HADHA: variants seen among roughly 807,000 people sequenced by gnomAD.
The protein encoded by HADHA is hydroxyacyl-CoA dehydrogenase trifunctional multienzyme complex subunit alpha.
Under a neutral mutation model 91.3 loss-of-function variants are expected in HADHA, and 59 were observed. The observed-to-expected ratio is 0.65, with a 90% CI of 0.52 to 0.80. HADHA has a LOEUF of 0.80. Ranked by LOEUF, HADHA falls within the 30% of genes least tolerant of loss-of-function variation. HADHA has a pLI of 0.00. For missense variants in HADHA, 800 were observed against 927.6 expected (o/e 0.86, Z 1.79); for synonymous variants, 320 against 338.9 (o/e 0.94, Z 0.61).
chr2:26,226,400 G>C (rs538158076), intron 7 of HADHA, among the ~76,000 whole-genome samples: 17 of 152,242 alleles, frequency 1.1e-4, no homozygotes, highest in African/African-American at 4.1e-4. Flanking sequence ...TGAGTTGGAG[G>C]ACTCATACTG....
intron 18 of HADHA, among the ~76,000 whole-genome samples, chr2:26,191,879 C>T (rs1324852733): frequency 1.3e-5 from 2 of 152,218 alleles, no homozygotes; most frequent in Non-Finnish European, 2.9e-5. Flanking sequence ...ATCAGTATCT[C>T]TTTGACATCA....
At chr2:26,236,755 G>GC in intron 4 of HADHA, 100 bp downstream of exon 4, 1 of 923,808 alleles carries the variant, frequency 1.1e-6, no homozygotes, top group Non-Finnish European at 1.8e-6. Flanking sequence ...GTGTCACTGT[G>GC]CCCAGCACTT....
Position 26,229,465 on chromosome 2 carries a change from A to G in HADHA, c.676+727T>C, listed in dbSNP as rs914806329. 6.6e-6 allele frequency among the ~76,000 whole-genome samples: 1 copy of G among 152,152 alleles called. No individual in the cohort carries two copies. Among genetic ancestry groups the G allele is most frequent in the African/African-American group, 2.4e-5 (1 of 41,434 alleles). On this transcript the variant is annotated intron_variant, in intron 7 of 19. Transcript: ENST00000380649. The surrounding 1 kb of genome is among the most constrained non-coding windows in gnomAD (Gnocchi z 4.3). ...GGGTAATGAACACACAAGTCAGAAT[A>G]GTGGCTTCTTTGGATAAAGGGAGGC... is the stretch of plus-strand genomic sequence containing the variant.
rs115854195 is a variant in HADHA at position 26,236,720 on chromosome 2, C to T, written c.314+135G>A. The T allele has an allele frequency of 1.9e-3, 1,330 of 708,574 alleles. 10 individuals are homozygous for T. In the African/African-American group the frequency reaches 0.02, roughly 11 times the overall value. 43.9% of individuals were successfully genotyped at this position (708,574 alleles called of 1,614,324 possible). ...AAGAACCACCACACCCAGCCTGATA[C>T]GTACATTTTCAATTTTACAGGCCTG... On this transcript the variant is annotated intron_variant, in intron 4 of 19. Transcript: ENST00000380649.
chr2:26,209,148 C>T (rs1670034767), intron 11 of HADHA, among the ~76,000 whole-genome samples: 1 of 152,166 alleles, frequency 6.6e-6, no homozygotes, highest in Admixed American at 6.5e-5. Flanking sequence ...TAGCATCCCT[C>T]CCTCCCTAGT....
Position 26,215,101 on chromosome 2 carries a change from G to C in HADHA, c.751C>G (p.Leu251Val), listed in dbSNP as rs778945181. 4 of 1,607,772 alleles carry C rather than the reference G, an allele frequency of 2.5e-6. No homozygotes were observed. The South Asian group carries it at 4.4e-5, about 18-fold the overall frequency. Residue 251 changes from leucine (L) to valine (V), a missense_variant, in exon 8 of 20, where the codon CTA becomes GTA. Coordinates refer to ENST00000380649, the MANE Select transcript of HADHA (RefSeq NM_000182.5). Reference protein sequence around the residue: ...EEVAITFAKGLADKKISPKRD... With the variant: ...EEVAITFAKGVADKKISPKRD... ...TTTGGAGAGATCTTCTTATCAGCTA[G>C]TCCTTTGGCAAAAGTAATTGCAACT...
intron 13 of HADHA, among the ~76,000 whole-genome samples, chr2:26,198,210 G>A (rs1486272025): frequency 6.6e-6 from 1 of 152,064 alleles, no homozygotes; most frequent in African/African-American, 2.4e-5. Flanking sequence ...AAATGTGCAT[G>A]CTTGTCTCAT....
In HADHA at chr2:26,229,269, T is replaced by C. The variant is rs536767710; in HGVS notation, c.676+923A>G. 1.3e-5 allele frequency among the ~76,000 whole-genome samples: 2 copies of C among 151,742 alleles called. No individual in the cohort carries two copies. The highest frequency in any genetic ancestry group is 2.9e-5 in the Non-Finnish European group (2 of 67,944). On this transcript the variant is annotated intron_variant, in intron 7 of 19. Transcript: ENST00000380649. The surrounding 1 kb of genome is among the most constrained non-coding windows in gnomAD (Gnocchi z 4.3). ...GGGAAGATCATTTGAGCCCAAAAAG[T>C]TGAGGTTGCAACAAGCTATATTCAC... is the stretch of plus-strand genomic sequence containing the variant.
chr2:26,192,775 G>A (rs936859978), intron 17 of HADHA, among the ~76,000 whole-genome samples: 7 of 152,146 alleles, frequency 4.6e-5, no homozygotes, highest in African/African-American at 1.7e-4. Context: ...CCTGACCTGA[G>A]AATTCTTGTC....
chr2:26,238,957 G>A lies in HADHA; in HGVS notation c.157C>T (p.Arg53Ter), dbSNP rs147103714. 4.4e-6 allele frequency: 7 copies of A among 1,607,222 alleles called. No homozygotes were observed. The highest frequency in any genetic ancestry group is 2.2e-5 in the South Asian group (2 of 90,890). ...ACCTTTGAATTGGGAGAGTTAATTC[G>A]AACAACTGCCACATCCCCTTTGACT... ...YGVKGDVAVV[R>*]INSPNSKVNT... Residue 53 changes from arginine to a stop codon, truncating the protein, a stop_gained, in exon 3 of 20, where the codon CGA becomes TGA. Transcript: ENST00000380649. LOFTEE classifies it high-confidence loss of function.
rs532089062 is a variant in HADHA, at chr2:26,200,055, G to A, written c.1392+1094C>T. On this transcript the variant is annotated intron_variant, in intron 13 of 19. Coordinates refer to ENST00000380649, the MANE Select transcript of HADHA (RefSeq NM_000182.5). ...AGATACTAGAGAGGACAACCGAAAC[G>A]GGGTGGTCTAGAGATCATGCCTGTG... Among the ~76,000 whole-genome samples, 11 of 152,330 alleles carry A rather than the reference G, an allele frequency of 7.2e-5. No individual in the cohort carries two copies. The East Asian group carries it at 7.7e-4, about 11-fold the overall frequency.
At chr2:26,228,050 A>T (rs1440261663) in intron 7 of HADHA, among the ~76,000 whole-genome samples, 1 of 151,926 alleles carries the variant, frequency 6.6e-6, no homozygotes, top group African/African-American at 2.4e-5. Context: ...TTTTTTCAAA[A>T]GCTAATATAT....
Position 26,214,447 on chromosome 2 carries a change from A to G in HADHA, c.914T>C (p.Ile305Thr), listed in dbSNP as rs137852774. 1.1e-5 allele frequency: 16 copies of G among 1,448,052 alleles called. No individual in the cohort carries two copies. The highest frequency in any genetic ancestry group is 1.7e-5 in the Admixed American group (1 of 59,794). The allele number at this position is 1,448,052 out of a possible 1,614,324, so 89.7% of individuals were successfully genotyped here. Residue 305 changes from isoleucine to threonine, a missense_variant, in exon 9 of 20, where the codon ATT (isoleucine) becomes ACT (threonine). By Grantham distance (89) the Ile-to-Thr change is moderately conservative. Coordinates refer to ENST00000380649, the MANE Select transcript of HADHA (RefSeq NM_000182.5). This position sits in a 1 kb window ranked among gnomAD's most constrained non-coding sequence, Gnocchi z 4.1. ...GGAATATTGGGTAAGACTCACATCA[A>G]TTATTTTCAGAGGTGCAGGATAAAG... ...KGLYPAPLKI[I>T]DVVKTGIEQG...
chr2:26,217,489 T>TA (rs372231497), intron 7 of HADHA, among the ~76,000 whole-genome samples: 1 of 151,966 alleles, frequency 6.6e-6, no homozygotes, highest in Non-Finnish European at 1.5e-5. Flanking sequence ...ATAATAACTT[T>TA]AAAAAAAATC....
rs1669508631 is a variant in HADHA, at chr2:26,191,648, T to C, written c.2001-20A>G. On this transcript the variant is annotated intron_variant, in intron 18 of 19. Transcript: ENST00000380649. ...GATGAGCTGCCAACAGAAAGAGATG[T>C]TTAGGTAGAAGAAGAGGAAAAGGGG... The C allele has an allele frequency of 6.2e-7, 1 of 1,613,222 alleles. No homozygotes were observed. Among genetic ancestry groups the C allele is most frequent in the Non-Finnish European group, 8.5e-7 (1 of 1,179,400 alleles).
In HADHA at chr2:26,244,516, C is replaced by T. The variant is rs1173217018; in HGVS notation, c.67+14G>A. Reference sequence around the variant, plus strand: ...TCTGCCCGGAGGTCTGGGATGCCCTCGGCCAGGCCTCACCTCGGGAGCGGA... The same window carrying T: ...TCTGCCCGGAGGTCTGGGATGCCCTTGGCCAGGCCTCACCTCGGGAGCGGA... On this transcript the variant is annotated intron_variant, in intron 1 of 19. Transcript: ENST00000380649. 5 of 1,568,426 alleles carry T rather than the reference C, an allele frequency of 3.2e-6. No homozygotes were observed. The Admixed American group carries it at 9.3e-5, about 29-fold the overall frequency.
intron 7 of HADHA, among the ~76,000 whole-genome samples, chr2:26,218,015 A>G (rs903141860): frequency 2.6e-5 from 4 of 152,204 alleles, no homozygotes; most frequent in African/African-American, 9.7e-5. Context: ...GTACCAAAAG[A>G]AAAACATTAG....
At chr2:26,240,689 GC>G (rs1670869369) in intron 1 of HADHA, among the ~76,000 whole-genome samples, 1 of 152,130 alleles carries the variant, frequency 6.6e-6, no homozygotes, top group Non-Finnish European at 1.5e-5. Flanking sequence ...TCCCTATGTT[GC>G]CCAGGCTGGT....
chr2:26,236,818 C>T (rs1553315962), intron 4 of HADHA, 37 bp downstream of exon 4: 1 of 1,542,748 alleles, frequency 6.5e-7, no homozygotes, highest in Non-Finnish European at 9.0e-7. Context: ...CACTATTAAC[C>T]AAGATAAAAG....
Sources: allele counts gnomAD v4.1 joint callset (sites outside exome capture counted in the v4.1 genomes callset), GRCh38; gene constraint gnomAD v4.1.1; non-coding constraint Gnocchi (gnomAD v3.1); transcripts MANE v1.5; gene names NCBI Gene and HGNC (gene_info 2026-07-23, HGNC 2026-07-21).